Variants in ZNF846 observed in about 807,000 individuals in gnomAD.
ZNF846 encodes zinc finger protein 846.
A neutral mutation model predicts 16.0 loss-of-function variants in ZNF846; 15 were observed. That is an observed-to-expected ratio of 0.94 (90% CI 0.63 to 1.45). The LOEUF (loss-of-function observed/expected upper bound fraction) is 1.45, where lower values mean the gene tolerates loss of function less well. Ranked by LOEUF, ZNF846 falls within the 40% of genes most tolerant of loss-of-function variation. The pLI is 0.00. For synonymous variants in ZNF846, 229 were observed against 212.0 expected, an observed-to-expected ratio of 1.08 and a Z score of -0.70; for missense variants, 714 against 622.3, an observed-to-expected ratio of 1.15 and a Z score of -1.57.
At chr19:9,758,621 T>A (rs2045173441) in exon 6 of ZNF846, 1 of 1,613,194 alleles carries the variant, frequency 6.2e-7, no homozygotes, top group Non-Finnish European at 8.5e-7. Flanking sequence ...GAAAGTTCTT[T>A]CTTAAGGCTT....
exon 2 of ZNF846, chr19:9,764,986 C>T: frequency 6.2e-7 from 1 of 1,613,630 alleles, no homozygotes; most frequent in Non-Finnish European, 8.5e-7. Flanking sequence ...CTAGCCTTGG[C>T]TTCTCGATGT....
chr19:9,759,746 AG>A (rs1427696158), intron 5 of ZNF846, 113 bp downstream of exon 5: 9 of 691,796 alleles, frequency 1.3e-5, no homozygotes, highest in Non-Finnish European at 2.2e-5. Context: ...TGATATTCAG[AG>A]AATCTCTTCA....
downstream of ZNF846, among the ~76,000 whole-genome samples, chr19:9,751,675 A>G (rs1415968645): frequency 6.6e-6 from 1 of 152,064 alleles, no homozygotes; most frequent in Non-Finnish European, 1.5e-5. Flanking sequence ...GCCCTTGTGA[A>G]TGCACTTTGT....
At chr19:9,756,495 G>A (rs1300076404), downstream of ZNF846, 2 of 150,470 alleles carry the variant, frequency 1.3e-5, no homozygotes, top group Non-Finnish European at 2.9e-5. Context: ...CCTTCATAGA[G>A]TTTCTCTCCA....
At chr19:9,759,404 AC>A (rs2045185715) in intron 5 of ZNF846, among the ~76,000 whole-genome samples, 1 of 151,378 alleles carries the variant, frequency 6.6e-6, no homozygotes, top group Non-Finnish European at 1.5e-5. Flanking sequence ...GGAGTTTGAG[AC>A]CAGCCTGGAC....
downstream of ZNF846, chr19:9,756,645 G>C (rs2045139842): frequency 6.6e-6 from 1 of 151,288 alleles, no homozygotes; most frequent in Non-Finnish European, 1.5e-5. Context: ...TGCCCACTGT[G>C]AGTTCTTTGA....
At chr19:9,760,605 T>C (rs903367731) in intron 4 of ZNF846, among the ~76,000 whole-genome samples, 25 of 150,196 alleles carry the variant, frequency 1.7e-4, no homozygotes, top group Admixed American at 9.9e-4. Context: ...AGTGGCTGAG[T>C]CATGAGAATC....
At chr19:9,761,134 T>A (rs923351493) in intron 4 of ZNF846, among the ~76,000 whole-genome samples, 1 of 148,070 alleles carries the variant, frequency 6.8e-6, no homozygotes, top group Non-Finnish European at 1.5e-5. Context: ...AGGAAGCTGA[T>A]GGAGGTTGCA....
At chr19:9,766,019 A>G (rs963463489) in intron 1 of ZNF846, among the ~76,000 whole-genome samples, 4 of 152,226 alleles carry the variant, frequency 2.6e-5, no homozygotes, top group Non-Finnish European at 5.9e-5. Context: ...ATCAGACAGT[A>G]AGAATACTTT....
intron 1 of ZNF846, among the ~76,000 whole-genome samples, chr19:9,765,885 T>C (rs1443974032): frequency 6.6e-6 from 1 of 151,944 alleles, no homozygotes; most frequent in African/African-American, 2.4e-5. Flanking sequence ...CTGGGCAATA[T>C]AGTGAGACCA....
At chr19:9,756,350 T>TAC (rs2045136280), downstream of ZNF846, 1 of 29,874 alleles carries the variant, frequency 3.3e-5, no homozygotes, top group African/African-American at 9.8e-5. Context: ...TGTGTGTATA[T>TAC]ATATATATAT....
chr19:9,758,297 A>T (rs1299996520), exon 6 of ZNF846: 1 of 1,611,788 alleles, frequency 6.2e-7, no homozygotes, highest in Non-Finnish European at 8.5e-7. Flanking sequence ...TGAAAGCTTT[A>T]CCACATTCTT....
chr19:9,769,106 A>C (rs997955212), upstream of ZNF846, among the ~76,000 whole-genome samples: 33 of 152,136 alleles, frequency 2.2e-4, no homozygotes, highest in African/African-American at 7.7e-4. Flanking sequence ...GTTTTTTGAG[A>C]TAAGGCTCCG....
intron 4 of ZNF846, 39 bp from the exon 5 acceptor site, chr19:9,759,981 G>A (rs781628494): frequency 1.3e-6 from 2 of 1,538,304 alleles, no homozygotes; most frequent in Non-Finnish European, 1.8e-6. Flanking sequence ...GAGAAAAATT[G>A]TGGAATAAAG....
At chr19:9,758,246 A>C in exon 6 of ZNF846, 3 of 1,613,334 alleles carry the variant, frequency 1.9e-6, no homozygotes, top group Non-Finnish European at 2.5e-6. Flanking sequence ...GTTTTTCTCC[A>C]CTGTGAGTTC....
chr19:9,763,365 T>C, exon 3 of ZNF846: 1 of 1,611,618 alleles, frequency 6.2e-7, no homozygotes, highest in Non-Finnish European at 8.5e-7. Flanking sequence ...AGTCCACTCC[T>C]CCTGGGTAAA....
At chr19:9,777,931 A>G (rs1361750516) in intron 1 of ZNF846, among the ~76,000 whole-genome samples, 1 of 152,190 alleles carries the variant, frequency 6.6e-6, no homozygotes. Context: ...AAACCAAAAC[A>G]ATACAGAAAA....
Position 9,759,961 on chromosome 19 carries a change from T to A in ZNF846, c.230-19A>T. 6.2e-7 allele frequency: 1 copy of A among 1,601,726 alleles called. No individual in the cohort carries two copies. Among genetic ancestry groups the A allele is most frequent in the Non-Finnish European group, 8.5e-7 (1 of 1,171,236 alleles). On this transcript the variant is annotated intron_variant, in intron 4 of 5. Transcript: ENST00000397902. The stretch of plus-strand genomic sequence containing the variant: ...TCCAATTCTGAAATAAAGTGAAAAA[T>A]GCAGCTTGGGAGAAAAATTGTGGAA...
downstream of ZNF846, chr19:9,757,438 T>G: frequency 6.7e-6 from 10 of 1,481,666 alleles, no homozygotes; most frequent in Non-Finnish European, 9.0e-6. Context: ...TTTTTCCAGA[T>G]GAGTTTAGAT....
Sources: allele counts gnomAD v4.1 joint callset (sites outside exome capture counted in the v4.1 genomes callset), GRCh38; gene constraint gnomAD v4.1.1; transcripts MANE v1.5; gene names NCBI Gene and HGNC (gene_info 2026-07-23, HGNC 2026-07-21).